Variants in KCNJ6 observed in about 807,000 individuals in gnomAD.
The protein encoded by KCNJ6 is G protein-activated inward rectifier potassium channel 2.
KCNJ6 carries 9 observed loss-of-function variants against 34.2 expected under a neutral mutation model. The observed-to-expected ratio is 0.26, with a 90% CI of 0.16 to 0.46. The LOEUF (loss-of-function observed/expected upper bound fraction) is 0.46. Among genes scored for constraint, KCNJ6 ranks in the 20% least tolerant of loss-of-function variants. KCNJ6 has a pLI of 1.00. For synonymous variants in KCNJ6, 196 were observed against 207.1 expected (o/e 0.95, Z 0.46); for missense variants, 236 against 531.3 (o/e 0.44, Z 5.46).
intron 2 of KCNJ6, among the ~76,000 whole-genome samples, chr21:37,754,407 C>G (rs1737475471): frequency 6.6e-6 from 1 of 152,188 alleles, no homozygotes; most frequent in African/African-American, 2.4e-5. Flanking sequence ...TAGCAGAACA[C>G]AGAGTTGGAT....
intron 1 of KCNJ6, among the ~76,000 whole-genome samples, chr21:37,860,518 T>G (rs1222472135): frequency 1.3e-5 from 2 of 152,214 alleles, no homozygotes; most frequent in Admixed American, 1.3e-4. Context: ...TTTCCCTGGC[T>G]TAAAACCCTT....
chr21:37,655,156 C>T (rs115658663), intron 3 of KCNJ6, among the ~76,000 whole-genome samples: 1,631 of 146,018 alleles, frequency 0.011, 31 homozygotes, highest in African/African-American at 0.041. Context: ...TCTTAGAATA[C>T]ACTGCCTTCA....
At chr21:37,806,316 G>A (rs997469060) in intron 2 of KCNJ6, among the ~76,000 whole-genome samples, 1 of 152,170 alleles carries the variant, frequency 6.6e-6, no homozygotes, top group Non-Finnish European at 1.5e-5. Context: ...GAGCCTCTTC[G>A]AGAGCCTACT....
chr21:37,718,004 G>C (rs1045779831), intron 2 of KCNJ6, among the ~76,000 whole-genome samples: 3 of 152,200 alleles, frequency 2.0e-5, no homozygotes, highest in Admixed American at 2.0e-4. Flanking sequence ...GTAGCGATCA[G>C]TGCTCTGGAA....
intron 3 of KCNJ6, among the ~76,000 whole-genome samples, chr21:37,698,511 G>T (rs2054674291): frequency 6.6e-6 from 1 of 152,210 alleles, no homozygotes; most frequent in Non-Finnish European, 1.5e-5. Flanking sequence ...TGTGAGGAAA[G>T]AATTAAAAAT....
intron 2 of KCNJ6, among the ~76,000 whole-genome samples, chr21:37,755,808 T>C (rs1301649822): frequency 6.6e-6 from 1 of 152,210 alleles, no homozygotes; most frequent in Non-Finnish European, 1.5e-5. Context: ...CAGCAGGAGC[T>C]GTGCCAAGCA....
In KCNJ6 at chr21:37,614,509, T is replaced by TGTATG. The variant is rs1238311473; in HGVS notation, c.*10649_*10650insCATAC. 2.3e-5 allele frequency: 2 copies of TGTATG among 88,330 alleles called. No individual in the cohort carries two copies. Among genetic ancestry groups the TGTATG allele is most frequent in the Admixed American group, 1.4e-4 (1 of 7,062 alleles). 5.5% of individuals were successfully genotyped at this position (88,330 alleles called of 1,614,324 possible). Reference sequence around the variant, plus strand: ...GTCTGTGTGCGTGTATGCATGTGTCTCTGTATGCATGTGTGTATGCATGTC... The same window carrying TGTATG: ...GTCTGTGTGCGTGTATGCATGTGTCTGTATGCTGTATGCATGTGTGTATGCATGTC... On this transcript the variant is annotated 3_prime_UTR_variant, in exon 4 of 4. Transcript: ENST00000609713.
intron 2 of KCNJ6, among the ~76,000 whole-genome samples, chr21:37,733,203 C>A (rs892549314): frequency 6.6e-6 from 1 of 152,200 alleles, no homozygotes; most frequent in Non-Finnish European, 1.5e-5. Context: ...ATTCCTGCAT[C>A]AATAAAATAG....
At chr21:37,775,528 T>C (rs1338117476) in intron 2 of KCNJ6, among the ~76,000 whole-genome samples, 2 of 152,242 alleles carry the variant, frequency 1.3e-5, no homozygotes, top group Non-Finnish European at 2.9e-5. Flanking sequence ...AATTTTTGTG[T>C]AAGGTGTAAC....
intron 3 of KCNJ6, among the ~76,000 whole-genome samples, chr21:37,712,965 C>T (rs919860925): frequency 6.6e-6 from 1 of 151,986 alleles, no homozygotes; most frequent in East Asian, 2.0e-4. Context: ...GCCTTTTGTT[C>T]TATGGAAAGG....
chr21:37,617,980 G>A lies in KCNJ6; in HGVS notation c.*7179C>T, dbSNP rs1288274074. 6.6e-6 allele frequency: 1 copy of A among 152,274 alleles called. No homozygotes were observed. The highest frequency in any genetic ancestry group is 2.1e-4 in the South Asian group (1 of 4,832). The allele number at this position is 152,274 out of a possible 1,614,324, so 9.4% of individuals were successfully genotyped here. A position where few individuals can be genotyped will look rare whatever the true frequency, so the allele number is the denominator to read the frequency against. On this transcript the variant is annotated 3_prime_UTR_variant, in exon 4 of 4. Transcript: ENST00000609713. ...CTTCTAGGGGGTCATTGTCCAGATGGGCAAGAGCCAGACCCTGCAGGGAGA... is the reference window on the plus strand; with the variant it reads ...CTTCTAGGGGGTCATTGTCCAGATGAGCAAGAGCCAGACCCTGCAGGGAGA...
At chr21:37,829,006 A>G (rs2835996) in intron 2 of KCNJ6, among the ~76,000 whole-genome samples, 40,119 of 152,070 alleles carry the variant, frequency 0.26, 7,129 homozygotes, top group East Asian at 0.49. Context: ...GCACCCCAAA[A>G]TCCAGCCATG....
At chr21:37,855,231 C>G (rs1376411170) in intron 1 of KCNJ6, among the ~76,000 whole-genome samples, 1 of 152,138 alleles carries the variant, frequency 6.6e-6, no homozygotes, top group Non-Finnish European at 1.5e-5. Flanking sequence ...TGTTTGCTTC[C>G]TACCAGTCTA....
At chr21:37,784,695 C>T (rs56108848) in intron 2 of KCNJ6, among the ~76,000 whole-genome samples, 3,650 of 152,026 alleles carry the variant, frequency 0.024, 160 homozygotes, top group African/African-American at 0.084. Flanking sequence ...GGGGGCCCAG[C>T]GGCTGGGTCT....
At chr21:37,849,389 C>T (rs1453077837) in intron 1 of KCNJ6, among the ~76,000 whole-genome samples, 1 of 152,202 alleles carries the variant, frequency 6.6e-6, no homozygotes, top group East Asian at 1.9e-4. Flanking sequence ...GCCTCTCCCA[C>T]CTGGCTTCAT....
In KCNJ6 at chr21:37,612,956, T is replaced by C. The variant is rs575890692; in HGVS notation, c.*12203A>G. ...ATGATAAGCTGAACTTCAGTAAAAT[T>C]AAAAGCGTCTGCTCTGAAAAAGACA... On this transcript the variant is annotated 3_prime_UTR_variant, in exon 4 of 4. Transcript: ENST00000609713. 6.6e-6 allele frequency: 1 copy of C among 152,098 alleles called. No individual in the cohort carries two copies. The highest frequency in any genetic ancestry group is 2.4e-5 in the African/African-American group (1 of 41,508). 9.4% of individuals were successfully genotyped at this position (152,098 alleles called of 1,614,324 possible). A position where few individuals can be genotyped will look rare whatever the true frequency, so the allele number is the denominator to read the frequency against.
chr21:37,733,258 A>G (rs1168158721), intron 2 of KCNJ6, among the ~76,000 whole-genome samples: 2 of 152,214 alleles, frequency 1.3e-5, no homozygotes, highest in Non-Finnish European at 2.9e-5. Context: ...GCGATACTTG[A>G]GTGGAATGCA....
chr21:37,617,166 T>TC lies in KCNJ6; in HGVS notation c.*7992_*7993insG. The stretch of plus-strand genomic sequence containing the variant: ...TTCCTTCCTTCCTTCTTTCTTTATC[T>TC]TTTTTCCTTCCTTCCTTCCTTCCTT... On this transcript the variant is annotated 3_prime_UTR_variant, in exon 4 of 4. Transcript: ENST00000609713. The TC allele has an allele frequency of 7.6e-6, 1 of 130,844 alleles. No individual in the cohort carries two copies. Among genetic ancestry groups the TC allele is most frequent in the Non-Finnish European group, 1.6e-5 (1 of 61,294 alleles). The allele number at this position is 130,844 out of a possible 1,614,324, so 8.1% of individuals were successfully genotyped here. A position where few individuals can be genotyped will look rare whatever the true frequency, so the allele number is the denominator to read the frequency against.
At chr21:37,728,853 C>T (rs542232554) in intron 2 of KCNJ6, among the ~76,000 whole-genome samples, 1 of 152,250 alleles carries the variant, frequency 6.6e-6, no homozygotes, top group South Asian at 2.1e-4. Context: ...TCCTTTTGGT[C>T]CCTTGCCCTG....
Sources: allele counts gnomAD v4.1 joint callset (sites outside exome capture counted in the v4.1 genomes callset), GRCh38; gene constraint gnomAD v4.1.1; transcripts MANE v1.5; gene names NCBI Gene and HGNC (gene_info 2026-07-23, HGNC 2026-07-21).